EXOC6: variants seen among roughly 807,000 people sequenced by gnomAD.
EXOC6 encodes the protein exocyst complex component 6.
In EXOC6, 60 loss-of-function variants were observed where a neutral mutation model predicts 112.5. The ratio of observed to expected loss-of-function variants is 0.53; its 90% CI spans 0.43 to 0.66. EXOC6 has a LOEUF of 0.66. Among genes scored for constraint, EXOC6 ranks in the 30% least tolerant of loss-of-function variants. The pLI is 0.00. For synonymous variants in EXOC6, 295 were observed against 308.0 expected, an observed-to-expected ratio of 0.96 and a Z score of 0.44; for missense variants, 855 against 957.1, an observed-to-expected ratio of 0.89 and a Z score of 1.41.
At chr10:92,831,724 C>G (rs901335860), upstream of EXOC6, among the ~76,000 whole-genome samples, 2 of 152,058 alleles carry the variant, frequency 1.3e-5, no homozygotes, top group Non-Finnish European at 2.9e-5. Context: ...TGTGACCCAC[C>G]GCGCCCAGCC....
chr10:92,997,817 G>A (rs844340), intron 19 of EXOC6, among the ~76,000 whole-genome samples: 1,580 of 152,258 alleles, frequency 0.01, 28 homozygotes, highest in African/African-American at 0.036. Context: ...CCTCTAGAGA[G>A]AGGCACTGAA....
intron 8 of EXOC6, among the ~76,000 whole-genome samples, chr10:92,922,018 T>G (rs1851472630): frequency 6.6e-6 from 1 of 152,106 alleles, no homozygotes; most frequent in Non-Finnish European, 1.5e-5. Context: ...CCATCTTGGC[T>G]CACTACAACC....
At chr10:92,830,208 C>A (rs979513652), upstream of EXOC6, among the ~76,000 whole-genome samples, 7 of 152,096 alleles carry the variant, frequency 4.6e-5, no homozygotes, top group Non-Finnish European at 1.0e-4. Context: ...CTCTTGGGAC[C>A]CCTTTCTCGT....
intron 20 of EXOC6, among the ~76,000 whole-genome samples, chr10:93,024,591 C>T (rs1331109096): frequency 6.6e-6 from 1 of 152,140 alleles, no homozygotes; most frequent in South Asian, 2.1e-4. Context: ...ACCACCACAC[C>T]TGGCCTGGCT....
At chr10:92,942,761 TAG>T (rs1353757466) in intron 13 of EXOC6, among the ~76,000 whole-genome samples, 1 of 152,168 alleles carries the variant, frequency 6.6e-6, no homozygotes. Flanking sequence ...TAACTGTCGA[TAG>T]ATTGTATTGG....
intron 19 of EXOC6, among the ~76,000 whole-genome samples, chr10:93,012,308 G>T (rs949332081): frequency 2.0e-5 from 3 of 152,160 alleles, no homozygotes; most frequent in Non-Finnish European, 4.4e-5. Context: ...AACTACCAGG[G>T]AGAAGGCAGA....
intron 20 of EXOC6, among the ~76,000 whole-genome samples, chr10:93,054,266 C>G (rs1846446261): frequency 6.6e-6 from 1 of 152,150 alleles, no homozygotes; most frequent in Non-Finnish European, 1.5e-5. Context: ...AGCACAGTAT[C>G]TAGCACGTGA....
chr10:92,940,798 G>A lies in EXOC6; in HGVS notation c.1284G>A (p.Leu428=). The stretch of plus-strand genomic sequence containing the variant: ...TAAGAGACCAATACAATGAAACACT[G>A]CTTAAGAAATGGGCTGGAGTTTTCA... The part of the protein sequence containing the change: ...FEIRDQYNET[L]LKKWAGVFRD... Residue 428 remains leucine, a synonymous_variant, in exon 13 of 22, where the codon CTG becomes CTA. Coordinates refer to ENST00000260762, the MANE Select transcript of EXOC6 (RefSeq NM_019053.6). 1.2e-6 allele frequency: 2 copies of A among 1,610,304 alleles called. No individual in the cohort carries two copies. The highest frequency in any genetic ancestry group is 2.2e-5 in the South Asian group (2 of 90,242).
chr10:92,979,764 A>T (rs1323590931), intron 18 of EXOC6, among the ~76,000 whole-genome samples: 1 of 151,738 alleles, frequency 6.6e-6, no homozygotes, highest in Non-Finnish European at 1.5e-5. Context: ...CCTCATCTCT[A>T]CAAAAAATTA....
At chr10:92,844,475 G>A (rs1461348654), upstream of EXOC6, among the ~76,000 whole-genome samples, 1 of 152,170 alleles carries the variant, frequency 6.6e-6, no homozygotes, top group African/African-American at 2.4e-5. Flanking sequence ...CTGGAACCAA[G>A]AATCCAACCC....
At chr10:92,959,633 G>A (rs1307472078) in intron 17 of EXOC6, among the ~76,000 whole-genome samples, 1 of 152,162 alleles carries the variant, frequency 6.6e-6, no homozygotes, top group East Asian at 1.9e-4. Context: ...ACTCTTGTCT[G>A]AAATTGCAAA....
chr10:92,870,962 C>T (rs2133722120), intron 1 of EXOC6, among the ~76,000 whole-genome samples: 1 of 152,300 alleles, frequency 6.6e-6, no homozygotes, highest in Admixed American at 6.5e-5. Context: ...ACCACCTTGG[C>T]CTCCCAAAGT....
At chr10:92,903,643 A>C (rs1850296708) in intron 5 of EXOC6, among the ~76,000 whole-genome samples, 1 of 151,642 alleles carries the variant, frequency 6.6e-6, no homozygotes, top group East Asian at 1.9e-4. Flanking sequence ...TTTATTTAAT[A>C]GATTTTATTT....
chr10:93,013,610 AAAAAAT>A (rs543627122), intron 19 of EXOC6, among the ~76,000 whole-genome samples: 131 of 152,364 alleles, frequency 8.6e-4, no homozygotes, highest in African/African-American at 2.9e-3. Flanking sequence ...TCCGTCTCAA[AAAAAAT>A]AAAAATAAAA....
At chr10:92,935,565 A>G (rs144473327) in intron 11 of EXOC6, among the ~76,000 whole-genome samples, 83 of 152,270 alleles carry the variant, frequency 5.5e-4, no homozygotes, top group African/African-American at 1.9e-3. Flanking sequence ...AGTTTAAATA[A>G]CTAGTTCCTT....
chr10:93,013,673 A>C (rs1844363557), intron 19 of EXOC6, among the ~76,000 whole-genome samples: 1 of 152,136 alleles, frequency 6.6e-6, no homozygotes, highest in Non-Finnish European at 1.5e-5. Flanking sequence ...CATCATCCTG[A>C]TTTTTCTACT....
At chr10:92,941,943 A>G (rs976087914) in intron 13 of EXOC6, among the ~76,000 whole-genome samples, 5 of 151,922 alleles carry the variant, frequency 3.3e-5, no homozygotes, top group Non-Finnish European at 7.4e-5. Context: ...GTCAATCTTG[A>G]GGTTTTACAT....
At chr10:92,832,938 C>T (rs534861672), upstream of EXOC6, among the ~76,000 whole-genome samples, 1 of 152,284 alleles carries the variant, frequency 6.6e-6, no homozygotes, top group East Asian at 1.9e-4. Context: ...GGTGGGATTA[C>T]GGGTGTGAGC....
chr10:92,916,624 G>A (rs1277998894), intron 7 of EXOC6, among the ~76,000 whole-genome samples: 2 of 152,208 alleles, frequency 1.3e-5, no homozygotes. Flanking sequence ...ACTCACCAGT[G>A]AACTTTCTTT....
Sources: gnomAD v4.1 joint callset for allele counts (sites outside exome capture counted in the v4.1 genomes callset) on GRCh38, gnomAD v4.1.1 for gene constraint, MANE v1.5 for transcripts, NCBI Gene and HGNC (gene_info 2026-07-23, HGNC 2026-07-21) for gene names.